PDE4D: variants seen among roughly 807,000 people sequenced by gnomAD.
PDE4D encodes the protein 3',5'-cyclic-AMP phosphodiesterase 4D.
PDE4D carries 24 observed loss-of-function variants against 87.4 expected under a neutral mutation model. The ratio of observed to expected loss-of-function variants is 0.27; its 90% CI spans 0.20 to 0.39. The LOEUF (loss-of-function observed/expected upper bound fraction) is 0.39, where lower values mean the gene tolerates loss of function less well. PDE4D is among the 10% of genes least tolerant of loss of function. The pLI, the probability that PDE4D is intolerant of heterozygous loss-of-function variation, is 1.00. For synonymous variants in PDE4D, 384 were observed against 383.2 expected, an observed-to-expected ratio of 1.00 and a Z score of -0.02; for missense variants, 714 against 1,041.0, an observed-to-expected ratio of 0.69 and a Z score of 4.32.
chr5:60,293,335 A>G (rs1363001836), intron 1 of PDE4D, among the ~76,000 whole-genome samples: 1 of 152,034 alleles, frequency 6.6e-6, no homozygotes, highest in East Asian at 1.9e-4. Context: ...TAACACGGTG[A>G]AACCCCATCT....
chr5:59,758,804 T>C (rs1761611228), intron 1 of PDE4D, among the ~76,000 whole-genome samples: 1 of 152,208 alleles, frequency 6.6e-6, no homozygotes, highest in South Asian at 2.1e-4. Flanking sequence ...AGCAGCAAGT[T>C]GGAACTTGTT....
At chr5:59,146,189 C>G (rs2153457675) in intron 5 of PDE4D, among the ~76,000 whole-genome samples, 1 of 152,044 alleles carries the variant, frequency 6.6e-6, no homozygotes, top group South Asian at 2.1e-4. Context: ...TCTTTTTAAA[C>G]TAAAAAAAAA....
chr5:59,709,892 T>A (rs1753961579), intron 1 of PDE4D, among the ~76,000 whole-genome samples: 1 of 152,162 alleles, frequency 6.6e-6, no homozygotes, highest in East Asian at 1.9e-4. Context: ...TAGACAGAAC[T>A]CTGCAGGAGA....
intron 2 of PDE4D, among the ~76,000 whole-genome samples, chr5:60,017,210 T>C (rs1765607234): frequency 6.6e-6 from 1 of 152,184 alleles, no homozygotes; most frequent in African/African-American, 2.4e-5. Context: ...ATTCAGTATA[T>C]CATGCTGCAG....
chr5:59,950,230 C>A (rs1244077421), intron 3 of PDE4D, among the ~76,000 whole-genome samples: 1 of 152,140 alleles, frequency 6.6e-6, no homozygotes, highest in Non-Finnish European at 1.5e-5. Context: ...CTAAGACCAC[C>A]AGCTTACTAT....
At chr5:60,435,902 AAGAC>A (rs1181122247) in intron 1 of PDE4D, among the ~76,000 whole-genome samples, 1 of 152,102 alleles carries the variant, frequency 6.6e-6, no homozygotes, top group African/African-American at 2.4e-5. Context: ...CAGAACAAAA[AAGAC>A]AGATCTTTAA....
chr5:59,917,502 A>G (rs1169529674), intron 3 of PDE4D, among the ~76,000 whole-genome samples: 1 of 152,228 alleles, frequency 6.6e-6, no homozygotes, highest in African/African-American at 2.4e-5. Context: ...ACTGTGATAC[A>G]GAAGACCTGG....
intron 2 of PDE4D, among the ~76,000 whole-genome samples, chr5:60,185,174 C>T (rs1784683509): frequency 6.6e-6 from 1 of 152,082 alleles, no homozygotes; most frequent in African/African-American, 2.4e-5. Context: ...GTTGAAGTAA[C>T]TAATAACATA....
rs925910667 is a variant in PDE4D at position 60,157,202 on chromosome 5, T to C, written c.42+28355A>G. ...ATTGTTGGTAGATGAAAATACTAATTGCTTTTACCTATTTTTACTTCTGTT... is the reference window on the plus strand; with the variant it reads ...ATTGTTGGTAGATGAAAATACTAATCGCTTTTACCTATTTTTACTTCTGTT... On this transcript the variant is annotated intron_variant, in intron 2 of 16. Transcript: ENST00000502484. 3.1e-4 allele frequency among the ~76,000 whole-genome samples: 47 copies of C among 152,208 alleles called. 1 individual carries two copies. Among genetic ancestry groups the C allele is most frequent in the Non-Finnish European group, 1.5e-5 (1 of 68,032 alleles).
chr5:59,043,245 C>T (rs779702034), intron 5 of PDE4D, among the ~76,000 whole-genome samples: 3 of 152,150 alleles, frequency 2.0e-5, no homozygotes, highest in Non-Finnish European at 2.9e-5. Flanking sequence ...CAGCTGAGGT[C>T]GGGCACAGTG....
chr5:59,972,031 C>T (rs1302034781), intron 3 of PDE4D, among the ~76,000 whole-genome samples: 1 of 152,226 alleles, frequency 6.6e-6, no homozygotes, highest in African/African-American at 2.4e-5. Flanking sequence ...TGGGCACACA[C>T]TGCTCTTCGC....
rs184563733 is a variant in PDE4D, at chr5:59,175,373, C to T, written c.808+5222G>A. 3.0e-3 allele frequency among the ~76,000 whole-genome samples: 454 copies of T among 151,464 alleles called. 1 individual carries two copies. Among genetic ancestry groups the T allele is most frequent in the African/African-American group, 9.2e-3 (379 of 41,236 alleles). The stretch of plus-strand genomic sequence containing the variant: ...TCTATTCTACCAGTTTTTAAATTAG[C>T]TTTAGGAACAAAAAAATGTCAGGCA... On this transcript the variant is annotated intron_variant, in intron 5 of 14. Coordinates refer to ENST00000340635, the MANE Select transcript of PDE4D (RefSeq NM_001104631.2).
In PDE4D at chr5:60,358,481, G is replaced by A. The variant is rs539797544; in HGVS notation, c.-90+129461C>T. On this transcript the variant is annotated intron_variant, in intron 1 of 16. Coordinates refer to the PDE4D transcript ENST00000502484. ...ACTGTATCAGACATGTTATGGTATGGTATGTGAAGCCAATAAAATATCTCA... is the reference window on the plus strand; with the variant it reads ...ACTGTATCAGACATGTTATGGTATGATATGTGAAGCCAATAAAATATCTCA... 7.2e-5 allele frequency among the ~76,000 whole-genome samples: 11 copies of A among 152,194 alleles called. No individual in the cohort carries two copies. The South Asian group carries it at 2.3e-3, about 32-fold the overall frequency.
chr5:59,656,680 T>TGAAAC (rs1744415108), intron 1 of PDE4D, among the ~76,000 whole-genome samples: 1 of 152,320 alleles, frequency 6.6e-6, no homozygotes, highest in African/African-American at 2.4e-5. Flanking sequence ...TCTTAAACTT[T>TGAAAC]GAAACGTCAG....
chr5:60,126,785 C>G (rs577489459), intron 2 of PDE4D, among the ~76,000 whole-genome samples: 29 of 152,004 alleles, frequency 1.9e-4, no homozygotes, highest in Admixed American at 1.8e-3. Context: ...GAGGAGCTGC[C>G]GAGAACAAAG....
chr5:59,494,745 AC>A, intron 1 of PDE4D, among the ~76,000 whole-genome samples: 1 of 152,308 alleles, frequency 6.6e-6, no homozygotes, highest in Non-Finnish European at 1.5e-5. Context: ...GACCTGAGGC[AC>A]TTGCATTAAG....
intron 1 of PDE4D, among the ~76,000 whole-genome samples, chr5:59,663,351 A>G (rs965248589): frequency 2.6e-5 from 4 of 151,084 alleles, no homozygotes; most frequent in African/African-American, 9.7e-5. Flanking sequence ...TTTTTTTTTC[A>G]GTAGAGATGG....
At chr5:59,992,277 G>A (rs1416904454) in intron 2 of PDE4D, among the ~76,000 whole-genome samples, 1 of 152,152 alleles carries the variant, frequency 6.6e-6, no homozygotes, top group Non-Finnish European at 1.5e-5. Flanking sequence ...AGAGTGATGG[G>A]TTTTTGGATC....
chr5:60,111,316 C>A (rs1337529902), intron 2 of PDE4D, among the ~76,000 whole-genome samples: 2 of 151,870 alleles, frequency 1.3e-5, no homozygotes, highest in Non-Finnish European at 2.9e-5. Context: ...AAGAAAAAAC[C>A]TATCTGACCA....
Sources: allele counts gnomAD v4.1 joint callset (sites outside exome capture counted in the v4.1 genomes callset), GRCh38; gene constraint gnomAD v4.1.1; transcripts MANE v1.5; gene names NCBI Gene and HGNC (gene_info 2026-07-23, HGNC 2026-07-21).